The following FANCM variants were observed in gnomAD, a reference collection of about 807,000 sequenced individuals.
The protein encoded by FANCM is FA complementation group M, also known as Fanconi anemia group M protein.
In FANCM, 140 loss-of-function variants were observed where a neutral mutation model predicts 199.5. The observed-to-expected ratio is 0.70, with a 90% confidence interval of 0.61 to 0.81. FANCM has a LOEUF of 0.81. Ranked by LOEUF, FANCM falls within the 30% of genes least tolerant of loss-of-function variation. The pLI is 0.00. For synonymous variants in FANCM, 840 were observed against 836.8 expected (o/e 1.00, Z -0.07); for missense variants, 2,410 against 2,421.4 (o/e 1.00, Z 0.10).
At chr14:45,198,284 G>C (rs1337767735) in intron 21 of FANCM, among the ~76,000 whole-genome samples, 1 of 152,056 alleles carries the variant, frequency 6.6e-6, no homozygotes, top group African/African-American at 2.4e-5. Flanking sequence ...TTATTCTTTG[G>C]AATAAATACC....
intron 2 of FANCM, chr14:45,138,075 A>C (rs768769027): frequency 6.6e-6 from 1 of 152,110 alleles, no homozygotes; most frequent in Non-Finnish European, 1.5e-5. Context: ...GATGATTTAG[A>C]TGTGTTGAGT....
rs377473850 is a variant in FANCM at position 45,166,973 on chromosome 14, C to T, written c.1812C>T (p.Asn604=). The T allele has an allele frequency of 1.5e-5, 23 of 1,582,914 alleles. No individual in the cohort carries two copies. In the African/African-American group the frequency reaches 2.7e-4, roughly 19 times the overall value. Residue 604 remains asparagine (N), a synonymous_variant, in exon 11 of 23, where the codon AAC becomes AAT. Coordinates refer to ENST00000267430, the MANE Select transcript of FANCM (RefSeq NM_020937.4). ...EERIYNQSQS[N]KRSIYKAISS... is the part of the protein sequence containing the mutation. ...AGATTTATAATCAGAGTCAGTCCAACAAAAGAAGTATATATAAAGCTATTT... is the reference window on the plus strand; with the variant it reads ...AGATTTATAATCAGAGTCAGTCCAATAAAAGAAGTATATATAAAGCTATTT...
At chr14:45,142,047 G>C (rs1457282862) in intron 3 of FANCM, among the ~76,000 whole-genome samples, 1 of 152,034 alleles carries the variant, frequency 6.6e-6, no homozygotes, top group Non-Finnish European at 1.5e-5. Context: ...ACTTTAGATT[G>C]CCAGAAAAAT....
At chr14:45,162,780 T>TTATACATGTTAAC (rs748670848) in intron 9 of FANCM, among the ~76,000 whole-genome samples, 17 of 152,218 alleles carry the variant, frequency 1.1e-4, no homozygotes, top group Admixed American at 2.0e-4. Flanking sequence ...ACAGTTTAGT[T>TTATACATGTTAAC]TATACATGTT....
rs371765097 is a variant in FANCM at position 45,165,344 on chromosome 14, G to A, written c.1788+779G>A. 1.4e-4 allele frequency among the ~76,000 whole-genome samples: 22 copies of A among 152,186 alleles called. No homozygotes were observed. In the East Asian group the frequency reaches 3.3e-3, roughly 23 times the overall value. ...GAGGCTCACTTGAGGTCAGGAGTCCGAGACCAGCCTGGCCAACATGGTGAA... is the reference window on the plus strand; with the variant it reads ...GAGGCTCACTTGAGGTCAGGAGTCCAAGACCAGCCTGGCCAACATGGTGAA... On this transcript the variant is annotated intron_variant, in intron 10 of 22. Transcript: ENST00000267430.
chr14:45,194,507 A>G (rs897598770), intron 20 of FANCM, among the ~76,000 whole-genome samples: 2 of 152,128 alleles, frequency 1.3e-5, no homozygotes, highest in East Asian at 3.8e-4. Flanking sequence ...ACTTTATCCC[A>G]TCTTGATTTT....
At position 45,167,034 on chromosome 14, in the gene FANCM, A is replaced by C. The variant is rs1238297322; in HGVS notation, c.1873A>C (p.Ser625Arg). Residue 625 changes from serine (S) to arginine (R), a missense_variant, in exon 11 of 23, where the codon AGT becomes CGT. Transcript: ENST00000267430. Reference protein sequence around the residue: ...NRQVLHFYQRSPRMVPDGINP... With the variant: ...NRQVLHFYQRRPRMVPDGINP... ...GCAGGTCCTTCATTTTTACCAAAGA[A>C]GTCCACGAATGGTTCCTGATGGAAT... The C allele has an allele frequency of 1.2e-6, 2 of 1,612,026 alleles. No homozygotes were observed. The highest frequency in any genetic ancestry group is 1.7e-5 in the Admixed American group (1 of 60,024).
Position 45,181,539 on chromosome 14 carries a change from A to G in FANCM, c.4317+15A>G. 1 of 1,553,378 alleles carries G rather than the reference A, an allele frequency of 6.4e-7. No individual in the cohort carries two copies. The highest frequency in any genetic ancestry group is 8.9e-7 in the Non-Finnish European group (1 of 1,124,806). ...ACTCTCCTGAGGTGAGTCATTCAGT[A>G]ATCACAATAGTATAATCATATCAAA... On this transcript the variant is annotated intron_variant, in intron 15 of 22. Coordinates refer to ENST00000267430, the MANE Select transcript of FANCM (RefSeq NM_020937.4).
At chr14:45,168,505 T>C (rs1391520109) in intron 11 of FANCM, among the ~76,000 whole-genome samples, 2 of 151,454 alleles carry the variant, frequency 1.3e-5, no homozygotes, top group Non-Finnish European at 2.9e-5. Flanking sequence ...GCAAATTCTT[T>C]AGTGAATATC....
chr14:45,149,804 TACA>T (rs147416320), intron 4 of FANCM, among the ~76,000 whole-genome samples: 8 of 151,754 alleles, frequency 5.3e-5, no homozygotes, highest in East Asian at 3.9e-4. Flanking sequence ...TTTTGGTTCT[TACA>T]ACAACAACAA....
At chr14:45,167,241 T>G (rs1330225809) in intron 11 of FANCM, 78 bp downstream of exon 11, 5 of 852,578 alleles carry the variant, frequency 5.9e-6, no homozygotes, top group Non-Finnish European at 2.0e-6. Flanking sequence ...ATAATATTTC[T>G]TGTTTGAAAA....
intron 12 of FANCM, among the ~76,000 whole-genome samples, chr14:45,172,517 C>T (rs1051186223): frequency 6.6e-6 from 1 of 152,084 alleles, no homozygotes; most frequent in African/African-American, 2.4e-5. Context: ...TGTCCTTTCC[C>T]CACTTTATGT....
Position 45,151,439 on chromosome 14 carries a change from T to C in FANCM, c.961T>C (p.Leu321=), listed in dbSNP as rs1314034895. Residue 321 remains leucine, a synonymous_variant, in exon 5 of 23, where the codon TTG becomes CTG. Transcript: ENST00000267430. ...FARSLIQRNV[L]MRRDIPNLTK... is the part of the protein sequence containing the mutation. ...TCGTTCTTTGATTCAGAGGAATGTT[T>C]TGATGAGAAGGGATATCCCAAATCT... 1.2e-6 allele frequency: 2 copies of C among 1,613,594 alleles called. No homozygotes were observed. The highest frequency in any genetic ancestry group is 2.2e-5 in the South Asian group (2 of 91,078).
rs139558808 is a variant in FANCM, at chr14:45,180,497, A to G, written c.4223-933A>G. 2.7e-4 allele frequency among the ~76,000 whole-genome samples: 41 copies of G among 151,198 alleles called. No homozygotes were observed. In the East Asian group the frequency reaches 8.0e-3, roughly 29 times the overall value. On this transcript the variant is annotated intron_variant, in intron 14 of 22. Transcript: ENST00000267430. ...GGTCTCGCTTTGTCACTCAGGCTAGATTGTAGTGGTGCAATCACGACTCAC... is the reference window on the plus strand; with the variant it reads ...GGTCTCGCTTTGTCACTCAGGCTAGGTTGTAGTGGTGCAATCACGACTCAC...
chr14:45,181,460 A>T lies in FANCM; in HGVS notation c.4253A>T (p.Glu1418Val). The change falls in exon 15 of 23, where the codon GAA (glutamate) becomes GTA (valine). Residue 1418 changes from glutamate to valine, a missense_variant. By Grantham distance (121) the Glu-to-Val change is moderately radical. Coordinates refer to ENST00000267430, the MANE Select transcript of FANCM (RefSeq NM_020937.4). ...DGQLLTSNES[E>V]DDEIFRRKVK... The stretch of plus-strand genomic sequence containing the variant: ...CAATTATTAACAAGTAACGAAAGTG[A>T]AGATGACGAGATTTTCCGAAGAAAA... 1 of 1,602,538 alleles carries T rather than the reference A, an allele frequency of 6.2e-7. No homozygotes were observed. The highest frequency in any genetic ancestry group is 8.5e-7 in the Non-Finnish European group (1 of 1,169,926).
chr14:45,149,055 A>T, intron 4 of FANCM, 60 bp downstream of exon 4: 1 of 1,256,220 alleles, frequency 8.0e-7, no homozygotes, highest in South Asian at 1.2e-5. Flanking sequence ...GAATTATTTC[A>T]GCTAACAGGA....
At position 45,175,948 on chromosome 14, in the gene FANCM, G is replaced by T; in HGVS notation, c.3194G>T (p.Cys1065Phe). ...ATAAATTATCCATCTGAAAAAAGTTGCCTTTATGATATACCTAATGATAAT... is the reference window on the plus strand; with the variant it reads ...ATAAATTATCCATCTGAAAAAAGTTTCCTTTATGATATACCTAATGATAAT... ...KCINYPSEKSCLYDIPNDNIS... is the reference protein window; with the variant it reads ...KCINYPSEKSFLYDIPNDNIS... The change falls in exon 14 of 23, where the codon TGC becomes TTC. Residue 1065 changes from cysteine to phenylalanine, a missense_variant. Cys to Phe is a radical substitution (Grantham distance 205). Transcript: ENST00000267430. 1 of 1,613,312 alleles carries T rather than the reference G, an allele frequency of 6.2e-7. No homozygotes were observed. Among genetic ancestry groups the T allele is most frequent in the South Asian group, 1.1e-5 (1 of 91,038 alleles).
chr14:45,185,408 A>C, intron 18 of FANCM, 35 bp downstream of exon 18: 1 of 1,218,486 alleles, frequency 8.2e-7, no homozygotes, highest in Non-Finnish European at 1.2e-6. Context: ...ATTTTTTTCA[A>C]TGTTTTTATG....
chr14:45,162,048 T>C (rs1194557403), intron 9 of FANCM, among the ~76,000 whole-genome samples: 1 of 152,158 alleles, frequency 6.6e-6, no homozygotes, highest in African/African-American at 2.4e-5. Context: ...CCAAGGTTTT[T>C]GGCCTGAGCA....
Sources: allele counts gnomAD v4.1 joint callset (sites outside exome capture counted in the v4.1 genomes callset), GRCh38; gene constraint gnomAD v4.1.1; transcripts MANE v1.5; gene names NCBI Gene and HGNC (gene_info 2026-07-23, HGNC 2026-07-21).